RALGPS2: variants seen among roughly 807,000 people sequenced by gnomAD.
The protein encoded by RALGPS2 is Ral GEF with PH domain and SH3 binding motif 2.
A neutral mutation model predicts 86.8 loss-of-function variants in RALGPS2; 43 were observed. That is an observed-to-expected ratio of 0.50 (90% CI 0.39 to 0.64). RALGPS2 has a LOEUF of 0.64. RALGPS2 is among the 30% of genes least tolerant of loss of function. The pLI, the probability that RALGPS2 is intolerant of heterozygous loss-of-function variation, is 0.00. For missense variants in RALGPS2, 536 were observed against 694.6 expected (o/e 0.77, Z 2.57); for synonymous variants, 243 against 231.3 (o/e 1.05, Z -0.46).
chr1:178,763,912 G>A (rs555702221), intron 1 of RALGPS2, among the ~76,000 whole-genome samples: 2 of 151,862 alleles, frequency 1.3e-5, no homozygotes, highest in South Asian at 2.1e-4. Flanking sequence ...TTTTATGTCC[G>A]ATTGTGGGTT....
chr1:178,775,056 A>G (rs2102100194), intron 1 of RALGPS2, among the ~76,000 whole-genome samples: 1 of 152,310 alleles, frequency 6.6e-6, no homozygotes, highest in African/African-American at 2.4e-5. Context: ...ACTCTGTTGA[A>G]TTTAAGCTTT....
Position 178,823,124 on chromosome 1 carries a change from A to G in RALGPS2, c.480+1420A>G, listed in dbSNP as rs60151447. Reference sequence around the variant, plus strand: ...GGCATGAGCCATTACGCCCAGTCCTATACTTTTATTTATGATTTGGTTTAG... The same window carrying G: ...GGCATGAGCCATTACGCCCAGTCCTGTACTTTTATTTATGATTTGGTTTAG... On this transcript the variant is annotated intron_variant, in intron 7 of 19. Transcript: ENST00000367635. 3.1e-3 allele frequency among the ~76,000 whole-genome samples: 467 copies of G among 152,332 alleles called. 4 individuals are homozygous for G. The highest frequency in any genetic ancestry group is 0.01 in the African/African-American group (433 of 41,590).
intron 7 of RALGPS2, among the ~76,000 whole-genome samples, chr1:178,829,935 G>T (rs1238249256): frequency 6.6e-6 from 1 of 151,966 alleles, no homozygotes; most frequent in Admixed American, 6.6e-5. Context: ...AGTAGAGATG[G>T]CGTTTTGCCT....
intron 8 of RALGPS2, among the ~76,000 whole-genome samples, chr1:178,835,871 G>A (rs753171640): frequency 2.0e-5 from 3 of 152,044 alleles, no homozygotes; most frequent in South Asian, 2.1e-4. Context: ...CCAATTTTAC[G>A]ATTGCTTTCT....
At chr1:178,893,258 T>A (rs1659793718) in intron 15 of RALGPS2, among the ~76,000 whole-genome samples, 1 of 151,500 alleles carries the variant, frequency 6.6e-6, no homozygotes, top group African/African-American at 2.4e-5. Context: ...TTTTTTTTTT[T>A]AAAAGATACA....
rs57623890 is a variant in RALGPS2 at position 178,899,653 on chromosome 1, G to GT, written c.1524+1908dup. On this transcript the variant is annotated intron_variant, in intron 17 of 19. Transcript: ENST00000367635. Reference sequence around the variant, plus strand: ...GGTTTTGGTTTTGGTTTTGGTTTTGGTTTTTTTTTTTGCCAAAATATTTAA... The same window carrying GT: ...GGTTTTGGTTTTGGTTTTGGTTTTGGTTTTTTTTTTTTGCCAAAATATTTAA... 1.1e-3 allele frequency among the ~76,000 whole-genome samples: 157 copies of GT among 140,514 alleles called. 3 individuals are homozygous for GT. Among genetic ancestry groups the GT allele is most frequent in the East Asian group, 4.2e-3 (21 of 4,962 alleles). 92.2% of individuals were successfully genotyped at this position (140,514 alleles called of 152,430 possible). A position where few individuals can be genotyped will look rare whatever the true frequency, so the allele number is the denominator to read the frequency against.
At chr1:178,748,828 G>A (rs1452756247) in intron 1 of RALGPS2, among the ~76,000 whole-genome samples, 1 of 142,638 alleles carries the variant, frequency 7.0e-6, no homozygotes, top group Non-Finnish European at 1.5e-5. Flanking sequence ...TCCAACCTGG[G>A]TGACAGAGTG....
At chr1:178,856,991 T>A (rs72707218) in intron 8 of RALGPS2, among the ~76,000 whole-genome samples, 6,103 of 152,294 alleles carry the variant, frequency 0.04, 144 homozygotes, top group Non-Finnish European at 0.057. Context: ...TTGCTACCAC[T>A]ATTCTCCTTT....
In RALGPS2 at chr1:178,895,617, G is replaced by A. The variant is rs181530438; in HGVS notation, c.1431+1593G>A. Among the ~76,000 whole-genome samples, 344 of 152,144 alleles carry A rather than the reference G, an allele frequency of 2.3e-3. 2 individuals carry two copies. The highest frequency in any genetic ancestry group is 7.9e-3 in the African/African-American group (329 of 41,524). ...AGACAAGAAGGCTTGTGTAGTTTAC[G>A]CATTGAAATTGGGGAAGGTGGAGGA... On this transcript the variant is annotated intron_variant, in intron 16 of 19. Coordinates refer to ENST00000367635, the MANE Select transcript of RALGPS2 (RefSeq NM_152663.5).
rs1437634730 is a variant in RALGPS2 at position 178,921,632 on chromosome 1, ATTAAC to A, written c.*5276_*5280del. 3 of 151,992 alleles carry A rather than the reference ATTAAC, an allele frequency of 2.0e-5. No homozygotes were observed. Among genetic ancestry groups the A allele is most frequent in the Middle Eastern group, 3.2e-3 (1 of 316 alleles). The allele number at this position is 151,992 out of a possible 1,614,324, so 9.4% of individuals were successfully genotyped here. A position where few individuals can be genotyped will look rare whatever the true frequency, so the allele number is the denominator to read the frequency against. On this transcript the variant is annotated 3_prime_UTR_variant, in exon 20 of 20. Coordinates refer to ENST00000367635, the MANE Select transcript of RALGPS2 (RefSeq NM_152663.5). ...CAAGCCATTTTTATTCTTTATCCCA[ATTAAC>A]TTGAGGTACTCTAATGATGAAGCAC...
intron 8 of RALGPS2, among the ~76,000 whole-genome samples, chr1:178,861,167 T>C (rs1256500384): frequency 6.6e-6 from 1 of 152,226 alleles, no homozygotes; most frequent in African/African-American, 2.4e-5. Flanking sequence ...CTTTCCCTTA[T>C]ATGTTCATTA....
chr1:178,850,371 AT>A lies in RALGPS2; in HGVS notation c.607+16825del, dbSNP rs1657093736. ...TTTTTGTAATACCAATATTTTGCTGATTTTAGAACTACATAAAATGCATTTC... is the reference window on the plus strand; with the variant it reads ...TTTTTGTAATACCAATATTTTGCTGATTTAGAACTACATAAAATGCATTTC... On this transcript the variant is annotated intron_variant, in intron 8 of 19. Transcript: ENST00000367635. 3 of 152,560 alleles carry A rather than the reference AT, an allele frequency of 2.0e-5. No individual in the cohort carries two copies. The South Asian group carries it at 6.2e-4, about 32-fold the overall frequency. The allele number at this position is 152,560 out of a possible 1,614,324, so 9.5% of individuals were successfully genotyped here. A position where few individuals can be genotyped will look rare whatever the true frequency, so the allele number is the denominator to read the frequency against.
chr1:178,747,802 G>A (rs1045732293), intron 1 of RALGPS2: 11 of 697,710 alleles, frequency 1.6e-5, no homozygotes, highest in Middle Eastern at 3.6e-4. Flanking sequence ...CAGCGGAGAC[G>A]CTCAGGCCCT....
intron 1 of RALGPS2, chr1:178,747,597 T>C (rs1161297003): frequency 5.0e-5 from 80 of 1,598,782 alleles, no homozygotes; most frequent in Non-Finnish European, 6.3e-5. Context: ...TGTGTTAAGA[T>C]GTAACTCCTT....
chr1:178,898,623 C>T (rs192956912), intron 17 of RALGPS2, among the ~76,000 whole-genome samples: 1 of 152,082 alleles, frequency 6.6e-6, no homozygotes, highest in East Asian at 1.9e-4. Context: ...CATCATGACT[C>T]ATTGTCTTGC....
intron 11 of RALGPS2, among the ~76,000 whole-genome samples, chr1:178,884,619 C>T (rs1263578751): frequency 6.6e-6 from 1 of 151,976 alleles, no homozygotes; most frequent in Non-Finnish European, 1.5e-5. Context: ...TTTATTTATT[C>T]CCATAAGCCT....
At chr1:178,754,755 G>T (rs1572289600) in intron 1 of RALGPS2, among the ~76,000 whole-genome samples, 1 of 152,166 alleles carries the variant, frequency 6.6e-6, no homozygotes, top group Non-Finnish European at 1.5e-5. Context: ...TTAAAATAGA[G>T]AACTCCTATA....
At chr1:178,746,580 G>T (rs1260948140) in intron 1 of RALGPS2, 2 of 685,918 alleles carry the variant, frequency 2.9e-6, no homozygotes, top group Non-Finnish European at 5.4e-6. Flanking sequence ...CAATCTAGAG[G>T]GTTAGCGAGC....
intron 8 of RALGPS2, among the ~76,000 whole-genome samples, chr1:178,837,017 G>A (rs995084563): frequency 6.6e-6 from 1 of 152,092 alleles, no homozygotes; most frequent in African/African-American, 2.4e-5. Context: ...CTGGCCTCAA[G>A]CAGTCTTCCT....
Sources: allele counts gnomAD v4.1 joint callset (sites outside exome capture counted in the v4.1 genomes callset), GRCh38; gene constraint gnomAD v4.1.1; transcripts MANE v1.5; gene names NCBI Gene and HGNC (gene_info 2026-07-23, HGNC 2026-07-21).